The following MUC4 variants were observed in gnomAD, a reference collection of about 807,000 sequenced individuals.
MUC4 encodes the protein mucin 4, cell surface associated.
A neutral mutation model predicts 257.9 loss-of-function variants in MUC4; 202 were observed. That is an observed-to-expected ratio of 0.78 (90% CI 0.70 to 0.88). The LOEUF (loss-of-function observed/expected upper bound fraction) is 0.88, where lower values mean the gene tolerates loss of function less well. Ranked by LOEUF, MUC4 falls within the 40% of genes least tolerant of loss-of-function variation. The probability of loss-of-function intolerance (pLI) is 0.00; values close to 1 mark genes in which losing one functional copy is unlikely to be tolerated. For missense variants in MUC4, 5,976 were observed against 6,513.7 expected, an observed-to-expected ratio of 0.92 and a Z score of 2.84; for synonymous variants, 2,351 against 2,757.1, an observed-to-expected ratio of 0.85 and a Z score of 4.62.
intron 3 of MUC4, among the ~76,000 whole-genome samples, chr3:195,776,760 C>T (rs1449480467): frequency 5.5e-4 from 56 of 102,046 alleles, no homozygotes; most frequent in Admixed American, 1.1e-3. Context: ...CCTTCCACAC[C>T]CATACCTTCC....
At chr3:195,796,170 T>C (rs1178080400) in intron 1 of MUC4, among the ~76,000 whole-genome samples, 3 of 152,228 alleles carry the variant, frequency 2.0e-5, no homozygotes, top group East Asian at 1.9e-4. Context: ...CTGCAACCTC[T>C]GCCTCCCAGG....
Position 195,780,385 on chromosome 3 carries a change from G to A in MUC4, c.11195C>T (p.Thr3732Ile). Reference protein sequence around the residue: ...STGHVTPLHVTSPSSASTGHV... With the variant: ...STGHVTPLHVISPSSASTGHV... ...ACCTGTGGATGCTGAGGAAGGGCTG[G>A]TGACATGAAGAGGGGTGACGTGACC... Residue 3732 changes from threonine (T) to isoleucine (I), a missense_variant, in exon 2 of 25, where the codon ACC (threonine) becomes ATC (isoleucine). Physicochemically the swap from Thr to Ile is moderately conservative, Grantham distance 89. This residue lies in a region of MUC4 where 330 missense variants were observed against 262.0 expected (regional missense o/e 1.26). Transcript: ENST00000463781. 7.0e-7 allele frequency: 1 copy of A among 1,420,470 alleles called. No individual in the cohort carries two copies. Among genetic ancestry groups the A allele is most frequent in the Non-Finnish European group, 9.5e-7 (1 of 1,050,118 alleles). 88.0% of individuals were successfully genotyped at this position (1,420,470 alleles called of 1,614,324 possible). A position where few individuals can be genotyped will look rare whatever the true frequency, so the allele number is the denominator to read the frequency against.
chr3:195,800,375 T>G lies in MUC4; in HGVS notation c.83-8878A>C, dbSNP rs115833186. ...CTTGCTCATCTTGAGCCAAGTTGAT[T>G]AGAGTTTCCTGCTGCCGCAAATAGG... On this transcript the variant is annotated intron_variant, in intron 1 of 24. Coordinates refer to ENST00000463781, the MANE Select transcript of MUC4 (RefSeq NM_018406.7). Among the ~76,000 whole-genome samples, 1,076 of 152,290 alleles carry G rather than the reference T, an allele frequency of 7.1e-3. 17 individuals carry two copies. The highest frequency in any genetic ancestry group is 0.024 in the African/African-American group (1,016 of 41,550).
chr3:195,764,110 A>T lies in MUC4; in HGVS notation c.13979T>A (p.Leu4660His). The stretch of plus-strand genomic sequence containing the variant: ...CCGCCTCTGCTGGTACAGGGCACAG[A>T]GGTAGGGCTTGTCATTCCAGCGGCA... The part of the protein sequence containing the change: ...WCCRWNDKPY[L>H]CALYQQRRPH... The change falls in exon 11 of 25, where the codon CTC (leucine) becomes CAC (histidine). Residue 4660 changes from leucine to histidine, a missense_variant. Physicochemically the swap from Leu to His is moderately conservative, Grantham distance 99. Coordinates refer to ENST00000463781, the MANE Select transcript of MUC4 (RefSeq NM_018406.7). 6.2e-7 allele frequency: 1 copy of T among 1,603,642 alleles called. No homozygotes were observed. Among genetic ancestry groups the T allele is most frequent in the South Asian group, 1.1e-5 (1 of 89,030 alleles).
In MUC4 at chr3:195,787,768, G is replaced by C; in HGVS notation, c.3812C>G (p.Ser1271Cys). 1.6e-6 allele frequency: 1 copy of C among 616,376 alleles called. No individual in the cohort carries two copies. The highest frequency in any genetic ancestry group is 2.4e-6 in the Non-Finnish European group (1 of 417,112). The allele number at this position is 616,376 out of a possible 1,614,324, so 38.2% of individuals were successfully genotyped here. A position where few individuals can be genotyped will look rare whatever the true frequency, so the allele number is the denominator to read the frequency against. Residue 1271 changes from serine to cysteine, a missense_variant, in exon 2 of 25, where the codon TCC (serine) becomes TGC (cysteine). Ser to Cys is a moderately radical substitution (Grantham distance 112, BLOSUM62 -1). Coordinates refer to ENST00000463781, the MANE Select transcript of MUC4 (RefSeq NM_018406.7). ...CGTGGTGTCACCTGTGGATACTGAGGAAGTGTCGGTGACAAGAAGAGAGGT... is the reference window on the plus strand; with the variant it reads ...CGTGGTGTCACCTGTGGATACTGAGCAAGTGTCGGTGACAAGAAGAGAGGT... The part of the protein sequence containing the change: ...QATSLLVTDT[S>C]SVSTGDTTPL...
At chr3:195,763,301 G>A in intron 12 of MUC4, 132 bp downstream of exon 12, 3 of 915,642 alleles carry the variant, frequency 3.3e-6, no homozygotes, top group Non-Finnish European at 4.6e-6. Flanking sequence ...ACAGCTGCGT[G>A]GATGGGCTGT....
At chr3:195,808,953 C>T (rs563098973) in intron 1 of MUC4, among the ~76,000 whole-genome samples, 3 of 152,248 alleles carry the variant, frequency 2.0e-5, no homozygotes, top group East Asian at 1.9e-4. Context: ...CTGTGGCCGG[C>T]GTCCCCTCCC....
rs1209372735 is a variant in MUC4 at position 195,810,499 on chromosome 3, C to T, written c.82+1237G>A. Among the ~76,000 whole-genome samples, 1 of 152,228 alleles carries T rather than the reference C, an allele frequency of 6.6e-6. No homozygotes were observed. Among genetic ancestry groups the T allele is most frequent in the Non-Finnish European group, 1.5e-5 (1 of 68,042 alleles). ...AGGACGGGGGCCCCCGAGGGAACAT[C>T]TCCCACAGGCCTGGCATCCCTCCCC... On this transcript the variant is annotated intron_variant, in intron 1 of 24. Coordinates refer to ENST00000463781, the MANE Select transcript of MUC4 (RefSeq NM_018406.7). This position sits in a 1 kb window ranked among gnomAD's most constrained non-coding sequence, Gnocchi z 4.2.
intron 2 of MUC4, among the ~76,000 whole-genome samples, 162 bp from the exon 3 acceptor site, chr3:195,778,617 G>A (rs894493178): frequency 3.3e-4 from 50 of 152,124 alleles, no homozygotes; most frequent in Non-Finnish European, 7.1e-4. Flanking sequence ...TTTCGATTGC[G>A]GCACAAAGGA....
Position 195,790,118 on chromosome 3 carries a change from A to G in MUC4, c.1462T>C (p.Trp488Arg). 6.2e-7 allele frequency: 1 copy of G among 1,613,994 alleles called. No homozygotes were observed. Among genetic ancestry groups the G allele is most frequent in the South Asian group, 1.1e-5 (1 of 91,086 alleles). ...CCTTTGCTGGAGAATGAGGAAGGCCATGTTGTTGTTTCATGTAGAGTAAAT... is the reference window on the plus strand; with the variant it reads ...CCTTTGCTGGAGAATGAGGAAGGCCGTGTTGTTGTTTCATGTAGAGTAAAT... ...EIFTLHETTT[W>R]PSSFSSKGHT... The change falls in exon 2 of 25, where the codon TGG (tryptophan) becomes CGG (arginine). Residue 488 changes from tryptophan to arginine, a missense_variant. Trp to Arg is a moderately radical substitution (Grantham distance 101, BLOSUM62 -3). Transcript: ENST00000463781.
intron 4 of MUC4, among the ~76,000 whole-genome samples, 184 bp from the exon 5 acceptor site, chr3:195,772,000 G>T (rs556150504): frequency 6.6e-6 from 1 of 152,302 alleles, no homozygotes; most frequent in South Asian, 2.1e-4. Flanking sequence ...CTCACAGAAT[G>T]CTCCGCCCTC....
At position 195,788,818 on chromosome 3, in the gene MUC4, G is replaced by A; in HGVS notation, c.2762C>T (p.Thr921Ile). The change falls in exon 2 of 25, where the codon ACT (threonine) becomes ATT (isoleucine). Residue 921 changes from threonine to isoleucine, a missense_variant. Thr to Ile is a moderately conservative substitution (Grantham distance 89, BLOSUM62 -1). Around this residue, in one of 44 missense-constraint regions of MUC4, gnomAD observed 1,583 missense variants for 1,257.4 expected, o/e 1.26. Transcript: ENST00000463781. ...QRTRTSRGSD[T>I]ISLASQATDT... ...GGTTGCCTGGGACGCCAGGCTGATA[G>A]TGTCAGACCCTCTGCTGGTTCTTGT... 1.9e-6 allele frequency: 3 copies of A among 1,613,942 alleles called. No individual in the cohort carries two copies. Among genetic ancestry groups the A allele is most frequent in the Non-Finnish European group, 2.5e-6 (3 of 1,179,858 alleles).
In MUC4 at chr3:195,786,341, C is replaced by A. The variant is rs778237897; in HGVS notation, c.5239G>T (p.Val1747Phe). ...ASTGHASPLL[V>F]TDASSASTGQ... The stretch of plus-strand genomic sequence containing the variant: ...GTGGATGCTGAGGAAGCGTCAGTGA[C>A]AAGAAGAGGGCTGGCGTGACCTGTG... The change falls in exon 2 of 25, where the codon GTC becomes TTC. Residue 1747 changes from valine (V) to phenylalanine (F), a missense_variant. This residue lies in a region of MUC4 where 138 missense variants were observed against 107.8 expected (regional missense o/e 1.28). Transcript: ENST00000463781. 12 of 1,518,684 alleles carry A rather than the reference C, an allele frequency of 7.9e-6. No individual in the cohort carries two copies. Among genetic ancestry groups the A allele is most frequent in the Admixed American group, 4.0e-5 (2 of 49,632 alleles). 94.1% of individuals were successfully genotyped at this position (1,518,684 alleles called of 1,614,324 possible).
chr3:195,793,677 G>T (rs1042753092), intron 1 of MUC4, among the ~76,000 whole-genome samples: 1 of 152,176 alleles, frequency 6.6e-6, no homozygotes, highest in Non-Finnish European at 1.5e-5. Context: ...GGAGGAAGGT[G>T]AGGTTAGACT....
intron 1 of MUC4, among the ~76,000 whole-genome samples, chr3:195,801,364 T>C (rs958309295): frequency 6.6e-6 from 1 of 152,024 alleles, no homozygotes; most frequent in Non-Finnish European, 1.5e-5. Context: ...CCCTCCATTT[T>C]CTACTTCACT....
chr3:195,766,862 G>A, intron 7 of MUC4, 111 bp from the exon 8 acceptor site: 1 of 922,350 alleles, frequency 1.1e-6, no homozygotes, highest in South Asian at 1.5e-5. Context: ...AACCAGCTAG[G>A]CGGGCAGTGG....
At position 195,790,025 on chromosome 3, in the gene MUC4, C is replaced by T. The variant is rs751217592; in HGVS notation, c.1555G>A (p.Gly519Arg). 2.5e-6 allele frequency: 4 copies of T among 1,614,008 alleles called. No individual in the cohort carries two copies. The South Asian group carries it at 4.4e-5, about 18-fold the overall frequency. The change falls in exon 2 of 25, where the codon GGA becomes AGA. Residue 519 changes from glycine (G) to arginine (R), a missense_variant. Transcript: ENST00000463781. Reference sequence around the variant, plus strand: ...CCAGCTGTCCCTGTAGATGGATTTCCTGTGACAAGCCTAGTGGCAGCACCT... The same window carrying T: ...CCAGCTGTCCCTGTAGATGGATTTCTTGTGACAAGCCTAGTGGCAGCACCT... ...STGAATRLVTGNPSTGTAGTI... is the reference protein window; with the variant it reads ...STGAATRLVTRNPSTGTAGTI...
Position 195,791,333 on chromosome 3 carries a change from C to T in MUC4, c.247G>A (p.Glu83Lys). The T allele has an allele frequency of 6.2e-7, 1 of 1,613,782 alleles. No individual in the cohort carries two copies. The highest frequency in any genetic ancestry group is 8.5e-7 in the Non-Finnish European group (1 of 1,179,842). ...TCGGTTTGAGCTTTGCTGGTGGTCT[C>T]CGTGCTCTTAGTCTGGTGGTTCTGA... ...SSQNHQTKST[E>K]TTSKAQTDTL... Residue 83 changes from glutamate (E) to lysine (K), a missense_variant, in exon 2 of 25, where the codon GAG becomes AAG. Physicochemically the swap from Glu to Lys is moderately conservative, Grantham distance 56. This residue lies in a region of MUC4 where 1,583 missense variants were observed against 1,257.4 expected (regional missense o/e 1.26). Coordinates refer to ENST00000463781, the MANE Select transcript of MUC4 (RefSeq NM_018406.7).
intron 4 of MUC4, among the ~76,000 whole-genome samples, 163 bp downstream of exon 4, chr3:195,774,009 T>C (rs570126137): frequency 6.6e-6 from 1 of 152,362 alleles, no homozygotes; most frequent in Non-Finnish European, 1.5e-5. Context: ...CCTGGCACCC[T>C]GTGTTCCTCA....
Sources: allele counts gnomAD v4.1 joint callset (sites outside exome capture counted in the v4.1 genomes callset), GRCh38; gene constraint gnomAD v4.1.1; regional missense constraint gnomAD v4.1.1; non-coding constraint Gnocchi (gnomAD v3.1); transcripts MANE v1.5; gene names NCBI Gene and HGNC (gene_info 2026-07-23, HGNC 2026-07-21).